MINDY3: variants seen among roughly 807,000 people sequenced by gnomAD.
MINDY3 encodes ubiquitin carboxyl-terminal hydrolase MINDY-3.
Under a neutral mutation model 69.2 loss-of-function variants are expected in MINDY3, and 38 were observed. The observed-to-expected ratio is 0.55, with a 90% CI of 0.42 to 0.72. The LOEUF (loss-of-function observed/expected upper bound fraction) is 0.72, where lower values mean the gene tolerates loss of function less well. Among genes scored for constraint, MINDY3 ranks in the 30% least tolerant of loss-of-function variants. MINDY3 has a pLI of 0.00. For synonymous variants in MINDY3, 192 were observed against 180.1 expected (o/e 1.07, Z -0.53); for missense variants, 522 against 519.0 (o/e 1.01, Z -0.06).
intron 6 of MINDY3, 38 bp from the exon 7 acceptor site, chr10:15,834,654 T>C: frequency 3.5e-6 from 5 of 1,427,954 alleles, no homozygotes; most frequent in Non-Finnish European, 4.9e-6. Context: ...TTTAAAAAAC[T>C]AAAATGAAAA....
intron 14 of MINDY3, among the ~76,000 whole-genome samples, chr10:15,779,597 C>G (rs555598485): frequency 6.6e-6 from 1 of 152,094 alleles, no homozygotes; most frequent in Admixed American, 6.6e-5. Context: ...ACATGTGTCT[C>G]CTTCTAATTT....
intron 1 of MINDY3, among the ~76,000 whole-genome samples, chr10:15,856,227 T>A (rs879877485): frequency 4.6e-5 from 7 of 151,982 alleles, no homozygotes; most frequent in Non-Finnish European, 1.0e-4. Flanking sequence ...CCTTTAAACC[T>A]TAAATTAACC....
chr10:15,795,878 C>T (rs7905215), intron 11 of MINDY3, among the ~76,000 whole-genome samples: 2,366 of 152,108 alleles, frequency 0.016, 57 homozygotes, highest in African/African-American at 0.052. Context: ...GGGTCAACTA[C>T]ACCTTCAGTA....
intron 1 of MINDY3, among the ~76,000 whole-genome samples, chr10:15,851,575 C>G (rs947804644): frequency 6.6e-6 from 1 of 152,012 alleles, no homozygotes; most frequent in Admixed American, 6.6e-5. Context: ...TAAGGCCTGC[C>G]TGCTTCAAGG....
intron 1 of MINDY3, among the ~76,000 whole-genome samples, chr10:15,849,522 G>C (rs2132125159): frequency 6.6e-6 from 1 of 151,574 alleles, no homozygotes; most frequent in South Asian, 2.1e-4. Flanking sequence ...CTATAGAGAT[G>C]ATGCTGACGT....
intron 11 of MINDY3, among the ~76,000 whole-genome samples, chr10:15,791,260 A>G (rs1414594340): frequency 6.6e-6 from 1 of 152,084 alleles, no homozygotes; most frequent in African/African-American, 2.4e-5. Context: ...TGTTAACCAT[A>G]CCTACAAAAA....
chr10:15,845,623 C>A (rs1351161230), intron 2 of MINDY3, among the ~76,000 whole-genome samples: 1 of 151,762 alleles, frequency 6.6e-6, no homozygotes, highest in African/African-American at 2.4e-5. Context: ...TCTAGCCTCC[C>A]GAGTAGCTAG....
chr10:15,839,220 C>T (rs983377183), intron 4 of MINDY3, among the ~76,000 whole-genome samples: 5 of 151,644 alleles, frequency 3.3e-5, no homozygotes, highest in Non-Finnish European at 7.4e-5. Context: ...TCACATTATG[C>T]TAGCTTTCCA....
chr10:15,833,701 A>C lies in MINDY3; in HGVS notation c.659T>G (p.Leu220Ter). Residue 220 changes from leucine (L) to a stop codon, truncating the protein, a stop_gained, in exon 8 of 15, where the codon TTA becomes TGA. Coordinates refer to ENST00000277632, the MANE Select transcript of MINDY3 (RefSeq NM_024948.4). LOFTEE classifies it high-confidence loss of function. ...DPVYGHGSQS[L>*]INLLLTGHAV... is the part of the protein sequence containing the mutation. ...ATGTCCCGTCAGCAGGAGATTAATT[A>C]AACTTTGGCTATTAATAAATATTAA... 6.2e-7 allele frequency: 1 copy of C among 1,605,288 alleles called. No individual in the cohort carries two copies. Among genetic ancestry groups the C allele is most frequent in the Non-Finnish European group, 8.5e-7 (1 of 1,172,418 alleles).
At chr10:15,796,697 G>A (rs79647452) in intron 10 of MINDY3, among the ~76,000 whole-genome samples, 1 of 151,864 alleles carries the variant, frequency 6.6e-6, no homozygotes, top group African/African-American at 2.4e-5. Flanking sequence ...ACTTCTACAT[G>A]TCCAGAATTT....
chr10:15,859,748 T>C (rs1458851117), intron 1 of MINDY3, among the ~76,000 whole-genome samples: 2 of 152,202 alleles, frequency 1.3e-5, no homozygotes. Flanking sequence ...AACAAAAAAC[T>C]GCTTTTTGGA....
At chr10:15,797,109 ACTT>A (rs1837898585) in intron 10 of MINDY3, among the ~76,000 whole-genome samples, 1 of 152,096 alleles carries the variant, frequency 6.6e-6, no homozygotes, top group Non-Finnish European at 1.5e-5. Flanking sequence ...CAAGAAATGT[ACTT>A]CTTAACTGTT....
intron 2 of MINDY3, 148 bp downstream of exon 2, chr10:15,847,716 G>C (rs1309042860): frequency 3.9e-6 from 2 of 518,596 alleles, no homozygotes; most frequent in East Asian, 2.9e-5. Context: ...TTTTATTTTG[G>C]ATATTTATTG....
intron 4 of MINDY3, among the ~76,000 whole-genome samples, chr10:15,838,970 G>T (rs1267537762): frequency 6.6e-6 from 1 of 151,620 alleles, no homozygotes; most frequent in Non-Finnish European, 1.5e-5. Flanking sequence ...CCATTTTACA[G>T]AAGAGGAACC....
chr10:15,789,998 T>C (rs551362109), intron 11 of MINDY3, among the ~76,000 whole-genome samples: 2 of 152,246 alleles, frequency 1.3e-5, no homozygotes, highest in East Asian at 1.9e-4. Flanking sequence ...ACAAAAGTTG[T>C]TTATTCCTTA....
At chr10:15,846,913 C>T (rs995106909) in intron 2 of MINDY3, among the ~76,000 whole-genome samples, 13 of 152,008 alleles carry the variant, frequency 8.6e-5, no homozygotes, top group South Asian at 4.2e-4. Flanking sequence ...TTAGTAGAGA[C>T]GGGGTTTCAC....
At chr10:15,779,998 C>G (rs1836398800) in intron 14 of MINDY3, among the ~76,000 whole-genome samples, 1 of 151,988 alleles carries the variant, frequency 6.6e-6, no homozygotes, top group Non-Finnish European at 1.5e-5. Context: ...TTTTTTGTAC[C>G]AAGAGAAATT....
chr10:15,860,072 C>G, intron 1 of MINDY3, 134 bp downstream of exon 1: 2 of 685,180 alleles, frequency 2.9e-6, no homozygotes, highest in South Asian at 3.4e-5. Context: ...CTAGAAAGTC[C>G]AGCTTCAGCG....
chr10:15,825,931 C>T (rs113267010), intron 8 of MINDY3, among the ~76,000 whole-genome samples: 2,220 of 152,056 alleles, frequency 0.015, 59 homozygotes, highest in African/African-American at 0.049. Context: ...CTATCCCTAT[C>T]CCATAAAGAA....
Sources: gnomAD v4.1 joint callset for allele counts (sites outside exome capture counted in the v4.1 genomes callset) on GRCh38, gnomAD v4.1.1 for gene constraint, MANE v1.5 for transcripts, NCBI Gene and HGNC (gene_info 2026-07-23, HGNC 2026-07-21) for gene names.